The following RAD52 variants were observed in gnomAD, a reference collection of about 807,000 sequenced individuals.
RAD52 encodes RAD52 DNA repair protein.
Under a neutral mutation model 55.5 loss-of-function variants are expected in RAD52, and 47 were observed. The ratio of observed to expected loss-of-function variants is 0.85; its 90% CI spans 0.67 to 1.08. RAD52 has a LOEUF of 1.08. Among genes scored for constraint, RAD52 ranks in the 50% least tolerant of loss-of-function variants. The pLI, the probability that RAD52 is intolerant of heterozygous loss-of-function variation, is 0.00. For missense variants in RAD52, 468 were observed against 522.8 expected, an observed-to-expected ratio of 0.90 and a Z score of 1.02; for synonymous variants, 184 against 198.9, an observed-to-expected ratio of 0.92 and a Z score of 0.63.
At chr12:934,237 C>T (rs150079816) in intron 1 of RAD52, among the ~76,000 whole-genome samples, 4 of 151,776 alleles carry the variant, frequency 2.6e-5, no homozygotes, top group Non-Finnish European at 5.9e-5. Flanking sequence ...GAGGCTGAGG[C>T]GGGCGGATCA....
chr12:989,652 A>C (rs561705853), intron 1 of RAD52, among the ~76,000 whole-genome samples: 1 of 152,292 alleles, frequency 6.6e-6, no homozygotes, highest in African/African-American at 2.4e-5. Flanking sequence ...AGATCCACAT[A>C]TTTTAAGGAC....
intron 1 of RAD52, chr12:936,668 A>T (rs9919750): frequency 0.99 from 149,887 of 151,484 alleles, 74,176 homozygotes; most frequent in East Asian, 1. Context: ...AATTTTTTTT[A>T]AAATTTTTTT....
At chr12:914,631 T>G in intron 9 of RAD52, 99 bp from the exon 10 acceptor site, 5 of 1,439,962 alleles carry the variant, frequency 3.5e-6, no homozygotes, top group Non-Finnish European at 4.7e-6. Context: ...GGGAACACTC[T>G]CCGAAGCACA....
chr12:968,091 C>T (rs868387559), intron 1 of RAD52, among the ~76,000 whole-genome samples: 7 of 152,192 alleles, frequency 4.6e-5, no homozygotes, highest in Middle Eastern at 6.8e-3. Context: ...TGAGTGTTAG[C>T]AGTGAAAATG....
At chr12:979,543 C>G (rs76814415) in intron 1 of RAD52, among the ~76,000 whole-genome samples, 1,795 of 151,930 alleles carry the variant, frequency 0.012, 37 homozygotes, top group African/African-American at 0.04. Context: ...TGTGCCGTCT[C>G]TCTCTCTCTC....
intron 2 of RAD52, among the ~76,000 whole-genome samples, chr12:931,553 C>T (rs1957328426): frequency 6.6e-6 from 1 of 152,172 alleles, no homozygotes; most frequent in Admixed American, 6.6e-5. Context: ...GAAAACTCTA[C>T]CATTCACTCA....
chr12:916,375 TC>T lies in RAD52; in HGVS notation c.833del (p.Arg278GlnfsTer19). 6.2e-7 allele frequency: 1 copy of T among 1,608,270 alleles called. No homozygotes were observed. Among genetic ancestry groups the T allele is most frequent in the Non-Finnish European group, 8.5e-7 (1 of 1,179,880 alleles). ...TCTTCTCAGCTGACGGCGTGGAGACTCGAACCTGCTGCTTCTCCATCCGCTC... is the reference window on the plus strand; with the variant it reads ...TCTTCTCAGCTGACGGCGTGGAGACTGAACCTGCTGCTTCTCCATCCGCTC... Reference protein sequence around the residue: ...FRERMEKQQVRVSTPSAEKSE... With the variant: ...FRERMEKQQVXVSTPSAEKSE... On this transcript the variant is annotated frameshift_variant, in exon 9 of 12. Coordinates refer to ENST00000358495, the MANE Select transcript of RAD52 (RefSeq NM_134424.4). LOFTEE classifies it high-confidence loss of function.
intron 1 of RAD52, among the ~76,000 whole-genome samples, chr12:971,263 G>T (rs2154121263): frequency 6.6e-6 from 1 of 151,908 alleles, no homozygotes; most frequent in South Asian, 2.1e-4. Flanking sequence ...ATAGGATACT[G>T]AAAACATTGT....
intron 9 of RAD52, among the ~76,000 whole-genome samples, chr12:915,077 T>TG (rs1304200824): frequency 1.3e-5 from 2 of 152,178 alleles, no homozygotes; most frequent in African/African-American, 2.4e-5. Context: ...AAAGCTGCAG[T>TG]GAACCCTGAT....
rs1239759857 is a variant in RAD52 at position 986,665 on chromosome 12, T to C, written c.-19+3144A>G. On this transcript the variant is annotated intron_variant, in intron 1 of 11. Coordinates refer to the RAD52 transcript ENST00000430095. ...CAGATGTGACCTACTGAGCCTAAAC[T>C]GTTTTAACGATAGCAAGACTATGCT... Among the ~76,000 whole-genome samples the C allele has an allele frequency of 3.3e-5, 5 of 152,072 alleles. No homozygotes were observed. In the South Asian group the frequency reaches 1.0e-3, roughly 32 times the overall value.
chr12:947,890 AAAAAAAAAAAAAC>A (rs1036705992), intron 1 of RAD52, among the ~76,000 whole-genome samples: 4 of 148,804 alleles, frequency 2.7e-5, no homozygotes, highest in African/African-American at 7.4e-5. Context: ...TCATCTCAAA[AAAAAAAAAAAAAC>A]AAAAAAAAAA....
At chr12:914,947 C>G (rs1031678552) in intron 9 of RAD52, among the ~76,000 whole-genome samples, 1 of 152,130 alleles carries the variant, frequency 6.6e-6, no homozygotes, top group African/African-American at 2.4e-5. Context: ...CGCTTGAAAC[C>G]AGGAATTCGA....
Position 927,253 on chromosome 12 carries a change from T to C in RAD52, c.359A>G (p.Tyr120Cys), listed in dbSNP as rs775355015. The change falls in exon 6 of 12, where the codon TAT becomes TGT. Residue 120 changes from tyrosine to cysteine, a missense_variant. Physicochemically the swap from Tyr to Cys is radical, Grantham distance 194. Transcript: ENST00000358495. ...FVRVQLKDGS[Y>C]HEDVGYGVSE... is the part of the protein sequence containing the mutation. ...AACACCATAACCAACATCTTCATGA[T>C]ATGAACCATCCTGGGGGCAGAAAAG... 2.5e-6 allele frequency: 4 copies of C among 1,613,132 alleles called. No individual in the cohort carries two copies. In the South Asian group the frequency reaches 3.3e-5, roughly 13 times the overall value.
At chr12:965,891 G>C (rs188007060) in intron 1 of RAD52, among the ~76,000 whole-genome samples, 10 of 151,926 alleles carry the variant, frequency 6.6e-5, no homozygotes, top group Non-Finnish European at 5.9e-5. Context: ...TTCGCCTGTT[G>C]GCCAGGCTGA....
At chr12:919,266 C>A (rs1048515024) in intron 7 of RAD52, among the ~76,000 whole-genome samples, 2 of 151,776 alleles carry the variant, frequency 1.3e-5, no homozygotes, top group African/African-American at 4.8e-5. Flanking sequence ...GCCAACATGG[C>A]GAAACCCCAT....
At chr12:986,352 C>T (rs1959085955) in intron 1 of RAD52, among the ~76,000 whole-genome samples, 1 of 152,000 alleles carries the variant, frequency 6.6e-6, no homozygotes, top group Non-Finnish European at 1.5e-5. Context: ...GAGTGAACTA[C>T]CACATCCAGC....
At chr12:974,236 G>A (rs1325743703) in intron 1 of RAD52, 1 of 152,128 alleles carries the variant, frequency 6.6e-6, no homozygotes, top group Non-Finnish European at 1.5e-5. Flanking sequence ...TTCCTTGCCT[G>A]TGCCACATCA....
chr12:990,966 T>TGTGTGTGTGTGTGTGTGCGC (rs1565724279), upstream of RAD52: 1 of 151,504 alleles, frequency 6.6e-6, no homozygotes, highest in African/African-American at 2.4e-5. Flanking sequence ...TGTGTGTGTG[T>TGTGTGTGTGTGTGTGTGCGC]GCAGGGACGC....
At chr12:925,954 A>C (rs994421158) in intron 6 of RAD52, among the ~76,000 whole-genome samples, 1 of 152,104 alleles carries the variant, frequency 6.6e-6, no homozygotes, top group Non-Finnish European at 1.5e-5. Context: ...TTAACTTGGG[A>C]TCTACGGACT....
Sources: gnomAD v4.1 joint callset for allele counts (sites outside exome capture counted in the v4.1 genomes callset) on GRCh38, gnomAD v4.1.1 for gene constraint, MANE v1.5 for transcripts, NCBI Gene and HGNC (gene_info 2026-07-23, HGNC 2026-07-21) for gene names.